AGBL1: variants seen among roughly 807,000 people sequenced by gnomAD.
AGBL1 encodes AGBL carboxypeptidase 1, also known as cytosolic carboxypeptidase 4.
A neutral mutation model predicts 118.9 loss-of-function variants in AGBL1; 130 were observed. The observed-to-expected ratio is 1.09, with a 90% CI of 0.95 to 1.26. AGBL1 has a LOEUF of 1.26. Ranked by LOEUF, AGBL1 falls within the 50% of genes most tolerant of loss-of-function variation. AGBL1 has a pLI of 0.00. For synonymous variants in AGBL1, 555 were observed against 478.9 expected, an observed-to-expected ratio of 1.16 and a Z score of -2.08; for missense variants, 1,584 against 1,298.1, an observed-to-expected ratio of 1.22 and a Z score of -3.38.
chr15:86,834,183 A>C (rs1464572915), intron 22 of AGBL1, among the ~76,000 whole-genome samples: 1 of 152,296 alleles, frequency 6.6e-6, no homozygotes, highest in East Asian at 1.9e-4. Context: ...TCTGTACCCC[A>C]AAACAAAGGT....
intron 21 of AGBL1, among the ~76,000 whole-genome samples, chr15:86,575,471 G>T (rs182331725): frequency 6.2e-4 from 95 of 152,132 alleles, no homozygotes; most frequent in African/African-American, 2.1e-3. Context: ...TTGTAGTCCA[G>T]TTTGGGTAAC....
At chr15:86,204,964 G>T (rs1392475471) in intron 5 of AGBL1, among the ~76,000 whole-genome samples, 1 of 152,164 alleles carries the variant, frequency 6.6e-6, no homozygotes, top group Non-Finnish European at 1.5e-5. Flanking sequence ...GACTTTTGGT[G>T]TTGTACATTC....
intron 6 of AGBL1, among the ~76,000 whole-genome samples, chr15:86,246,022 G>A (rs1401856988): frequency 6.6e-6 from 1 of 151,996 alleles, no homozygotes; most frequent in African/African-American, 2.4e-5. Flanking sequence ...AGTAACTGGA[G>A]CCACAGGTGC....
Position 86,768,312 on chromosome 15 carries a change from C to T in AGBL1, c.3158+93876C>T, listed in dbSNP as rs568873642. On this transcript the variant is annotated intron_variant, in intron 22 of 22. Coordinates refer to ENST00000614907, the MANE Select transcript of AGBL1 (RefSeq NM_001386094.1). The stretch of plus-strand genomic sequence containing the variant: ...CATAGTTTAACATAACATAATATAA[C>T]GTAATGTAACGTAACATAGCATAAC... 1.2e-4 allele frequency among the ~76,000 whole-genome samples: 19 copies of T among 152,042 alleles called. No homozygotes were observed. In the East Asian group the frequency reaches 2.7e-3, roughly 22 times the overall value.
chr15:86,934,560 A>G (rs1462346781), intron 23 of AGBL1, among the ~76,000 whole-genome samples: 1 of 152,130 alleles, frequency 6.6e-6, no homozygotes, highest in African/African-American at 2.4e-5. Context: ...ATAGCAGAAC[A>G]AAACTGTCTC....
At chr15:86,461,904 C>T (rs1027892795) in intron 18 of AGBL1, among the ~76,000 whole-genome samples, 3 of 152,190 alleles carry the variant, frequency 2.0e-5, no homozygotes, top group African/African-American at 4.8e-5. Context: ...TGGTGGCAAT[C>T]GCATCAAGGT....
At chr15:86,716,146 T>G (rs2142704894) in intron 22 of AGBL1, among the ~76,000 whole-genome samples, 1 of 152,302 alleles carries the variant, frequency 6.6e-6, no homozygotes, top group South Asian at 2.1e-4. Flanking sequence ...TATCTATATT[T>G]TAAAGTGTGC....
chr15:86,139,569 G>A (rs975677996), intron 1 of AGBL1, among the ~76,000 whole-genome samples: 5 of 151,470 alleles, frequency 3.3e-5, no homozygotes, highest in Admixed American at 6.6e-5. Context: ...GATCATCCTG[G>A]TTAACATGGT....
intron 21 of AGBL1, among the ~76,000 whole-genome samples, chr15:86,661,936 T>G (rs1003643264): frequency 1.3e-5 from 2 of 152,224 alleles, no homozygotes; most frequent in African/African-American, 4.8e-5. Flanking sequence ...TCGTTCAACT[T>G]CCACTTTCCA....
chr15:86,614,122 G>A (rs1179534270), intron 21 of AGBL1, among the ~76,000 whole-genome samples: 1 of 152,170 alleles, frequency 6.6e-6, no homozygotes, highest in Non-Finnish European at 1.5e-5. Flanking sequence ...TGTTTTAACT[G>A]TAAGCATCTA....
chr15:86,157,229 T>C (rs1468000695), intron 4 of AGBL1, among the ~76,000 whole-genome samples: 1 of 152,190 alleles, frequency 6.6e-6, no homozygotes, highest in East Asian at 1.9e-4. Flanking sequence ...ATCTCCCGTA[T>C]ATTGACCTGA....
intron 5 of AGBL1, among the ~76,000 whole-genome samples, chr15:86,211,218 A>C (rs1184882350): frequency 4.6e-5 from 7 of 152,194 alleles, no homozygotes; most frequent in Non-Finnish European, 1.5e-5. Flanking sequence ...ACTTTGTCCC[A>C]TAGGGGCACC....
chr15:86,245,209 C>G (rs2078701114), intron 6 of AGBL1, among the ~76,000 whole-genome samples: 1 of 152,180 alleles, frequency 6.6e-6, no homozygotes, highest in African/African-American at 2.4e-5. Flanking sequence ...AAAATCCCCT[C>G]TGGAATAAAG....
At chr15:86,565,627 A>G (rs1161440639) in intron 21 of AGBL1, among the ~76,000 whole-genome samples, 7 of 152,196 alleles carry the variant, frequency 4.6e-5, no homozygotes, top group Non-Finnish European at 8.8e-5. Context: ...CTCAAACTCC[A>G]TGCTAGGAGA....
chr15:86,263,446 C>G (rs1477460398), intron 10 of AGBL1, among the ~76,000 whole-genome samples: 1 of 152,190 alleles, frequency 6.6e-6, no homozygotes, highest in Non-Finnish European at 1.5e-5. Flanking sequence ...AGAGCATTCC[C>G]CATTGTTAGG....
chr15:86,631,758 C>A (rs1022282639), intron 21 of AGBL1, among the ~76,000 whole-genome samples: 4 of 152,158 alleles, frequency 2.6e-5, no homozygotes, highest in Admixed American at 2.6e-4. Context: ...TTCTCATAGC[C>A]AACCCCAGGT....
intron 18 of AGBL1, among the ~76,000 whole-genome samples, chr15:86,405,338 C>T (rs752742671): frequency 2.0e-5 from 3 of 148,888 alleles, no homozygotes; most frequent in Non-Finnish European, 3.0e-5. Flanking sequence ...AGTGAAACCC[C>T]GTCTCTATTA....
At chr15:86,822,616 T>A (rs976940634) in intron 22 of AGBL1, among the ~76,000 whole-genome samples, 1 of 152,134 alleles carries the variant, frequency 6.6e-6, no homozygotes, top group African/African-American at 2.4e-5. Context: ...AGCAGGTCTA[T>A]GCGAACCTAC....
At chr15:86,748,284 G>C (rs926882809) in intron 22 of AGBL1, among the ~76,000 whole-genome samples, 2 of 152,064 alleles carry the variant, frequency 1.3e-5, no homozygotes, top group Non-Finnish European at 2.9e-5. Flanking sequence ...CTTCTTTTGA[G>C]AAGTGTCTGT....
Sources: gnomAD v4.1 joint callset for allele counts (sites outside exome capture counted in the v4.1 genomes callset) on GRCh38, gnomAD v4.1.1 for gene constraint, MANE v1.5 for transcripts, NCBI Gene and HGNC (gene_info 2026-07-23, HGNC 2026-07-21) for gene names.